Variants in CFAP54 observed in about 807,000 individuals in gnomAD.
CFAP54 encodes cilia- and flagella-associated protein 54.
CFAP54 carries 290 observed loss-of-function variants against 370.4 expected under a neutral mutation model. The ratio of observed to expected loss-of-function variants is 0.78; its 90% CI spans 0.71 to 0.86. The LOEUF (loss-of-function observed/expected upper bound fraction) is 0.86. CFAP54 is among the 40% of genes least tolerant of loss of function. CFAP54 has a pLI of 0.00. For missense variants in CFAP54, 3,399 were observed against 3,528.7 expected, an observed-to-expected ratio of 0.96 and a Z score of 0.93; for synonymous variants, 1,206 against 1,236.5, an observed-to-expected ratio of 0.98 and a Z score of 0.52.
intron 17 of CFAP54, among the ~76,000 whole-genome samples, chr12:96,555,338 G>T (rs1955740586): frequency 6.6e-6 from 1 of 151,896 alleles, no homozygotes; most frequent in African/African-American, 2.4e-5. Context: ...TTATTCAAAT[G>T]CTGGTTAATT....
At chr12:96,691,812 A>G (rs1376603928) in intron 44 of CFAP54, among the ~76,000 whole-genome samples, 1 of 152,170 alleles carries the variant, frequency 6.6e-6, no homozygotes, top group Non-Finnish European at 1.5e-5. Context: ...TAAAAAATCC[A>G]AGTACAGCTC....
intron 9 of CFAP54, among the ~76,000 whole-genome samples, chr12:96,531,890 A>G (rs1446562785): frequency 1.3e-5 from 2 of 151,924 alleles, no homozygotes; most frequent in African/African-American, 2.4e-5. Flanking sequence ...ACGCCGGGCC[A>G]ATTTTTTGTA....
chr12:96,714,073 T>C (rs567619351), intron 48 of CFAP54, among the ~76,000 whole-genome samples: 3 of 152,316 alleles, frequency 2.0e-5, no homozygotes, highest in Admixed American at 6.5e-5. Context: ...GAGACTAGGT[T>C]AGGCTATGGG....
chr12:96,766,101 C>G (rs1958399609), intron 60 of CFAP54, among the ~76,000 whole-genome samples: 1 of 152,108 alleles, frequency 6.6e-6, no homozygotes, highest in African/African-American at 2.4e-5. Context: ...AGTGATCTTC[C>G]TAATACTTCT....
Position 96,576,587 on chromosome 12 carries a change from A to G in CFAP54, c.2622A>G (p.Glu874=). The G allele has an allele frequency of 2.0e-6, 3 of 1,515,910 alleles. No individual in the cohort carries two copies. The highest frequency in any genetic ancestry group is 2.6e-6 in the Non-Finnish European group (3 of 1,134,242). The allele number at this position is 1,515,910 out of a possible 1,614,324, so 93.9% of individuals were successfully genotyped here. A position where few individuals can be genotyped will look rare whatever the true frequency, so the allele number is the denominator to read the frequency against. ...TSTSSWELLM[E]AYSLIQRIEA... ...TCTATTTTCATATTTCATTATAGGA[A>G]GCATATTCCTTAATTCAGAGGATTG... The change falls in exon 20 of 68, where the codon GAA becomes GAG. Residue 874 remains glutamate (E), a splice_region_variant and synonymous_variant. Transcript: ENST00000524981.
intron 60 of CFAP54, among the ~76,000 whole-genome samples, chr12:96,776,182 G>T (rs1958517061): frequency 6.6e-6 from 1 of 151,970 alleles, no homozygotes. Context: ...CAAATGATAA[G>T]AAGAAAGTAA....
chr12:96,632,343 A>T (rs1381602236), intron 32 of CFAP54, among the ~76,000 whole-genome samples: 1 of 151,954 alleles, frequency 6.6e-6, no homozygotes, highest in Admixed American at 6.6e-5. Flanking sequence ...GGAAATTCCT[A>T]ATCTGGGATA....
intron 66 of CFAP54, among the ~76,000 whole-genome samples, chr12:96,855,479 A>G (rs1024064704): frequency 2.0e-5 from 3 of 152,238 alleles, no homozygotes; most frequent in Non-Finnish European, 2.9e-5. Context: ...CCTAGATACA[A>G]TGGGGGTACA....
rs528454673 is a variant in CFAP54 at position 96,640,895 on chromosome 12, C to T, written c.4317-3283C>T. 3.4e-3 allele frequency among the ~76,000 whole-genome samples: 518 copies of T among 152,026 alleles called. 4 individuals are homozygous for T. The highest frequency in any genetic ancestry group is 0.012 in the African/African-American group (483 of 41,456). On this transcript the variant is annotated intron_variant, in intron 32 of 67. Coordinates refer to ENST00000524981, the MANE Select transcript of CFAP54 (RefSeq NM_001306084.2). The stretch of plus-strand genomic sequence containing the variant: ...CATATGTAGAAAGCTGAAACTGGAT[C>T]CCTTCCTTACACCTTATACAAAAAT...
At chr12:96,836,447 T>A (rs1959186459) in intron 66 of CFAP54, among the ~76,000 whole-genome samples, 1 of 152,222 alleles carries the variant, frequency 6.6e-6, no homozygotes, top group African/African-American at 2.4e-5. Flanking sequence ...AAAATGCCAA[T>A]AGAACATGTT....
intron 60 of CFAP54, among the ~76,000 whole-genome samples, chr12:96,768,140 G>A (rs1958418383): frequency 6.6e-6 from 1 of 152,066 alleles, no homozygotes; most frequent in Admixed American, 6.5e-5. Context: ...GGGCAACATG[G>A]TGAAACCCCG....
Position 96,580,667 on chromosome 12 carries a change from A to G in CFAP54, c.2867A>G (p.His956Arg), listed in dbSNP as rs1956024577. 3 of 1,525,324 alleles carry G rather than the reference A, an allele frequency of 2.0e-6. No homozygotes were observed. The highest frequency in any genetic ancestry group is 2.8e-5 in the African/African-American group (2 of 72,688). The allele number at this position is 1,525,324 out of a possible 1,614,324, so 94.5% of individuals were successfully genotyped here. A position where few individuals can be genotyped will look rare whatever the true frequency, so the allele number is the denominator to read the frequency against. The change falls in exon 21 of 68, where the codon CAT becomes CGT. Residue 956 changes from histidine (H) to arginine (R), a missense_variant. This residue lies in a region of CFAP54 where 2,796 missense variants were observed against 2,869.7 expected (regional missense o/e 0.97). Coordinates refer to ENST00000524981, the MANE Select transcript of CFAP54 (RefSeq NM_001306084.2). ...SYGKVRLNNNHLPNSGEAIPA... is the reference protein window; with the variant it reads ...SYGKVRLNNNRLPNSGEAIPA... The stretch of plus-strand genomic sequence containing the variant: ...GGAAAAGTACGGCTAAACAATAATC[A>G]TCTCCCAAATTCAGGAGAAGCGGTA...
In CFAP54 at chr12:96,838,563, A is replaced by T. The variant is rs561283607; in HGVS notation, c.9171+9475A>T. Among the ~76,000 whole-genome samples, 4 of 152,160 alleles carry T rather than the reference A, an allele frequency of 2.6e-5. No homozygotes were observed. In the South Asian group the frequency reaches 8.3e-4, roughly 32 times the overall value. On this transcript the variant is annotated intron_variant, in intron 66 of 67. Transcript: ENST00000524981. ...CAGGAGAGAGAGAGAAAAAAAAGTG[A>T]GGGGGGAAGAGCTGCTTATAAAACC...
At chr12:96,784,567 T>G in intron 60 of CFAP54, 150 bp from the exon 61 acceptor site, 1 of 463,616 alleles carries the variant, frequency 2.2e-6, no homozygotes, top group Non-Finnish European at 3.6e-6. Flanking sequence ...TGGTGTTTGG[T>G]GTCTGCATGA....
intron 49 of CFAP54, 65 bp downstream of exon 49, chr12:96,718,587 T>C (rs1204307128): frequency 5.4e-6 from 5 of 925,104 alleles, no homozygotes; most frequent in Non-Finnish European, 5.1e-6. Context: ...AGGCCCTGGA[T>C]GGGCCTGCTT....
chr12:96,638,205 A>ATGTGTGTGTG (rs756775917), intron 32 of CFAP54, among the ~76,000 whole-genome samples: 8 of 122,616 alleles, frequency 6.5e-5, no homozygotes, highest in South Asian at 2.7e-4. Flanking sequence ...ATATATATGC[A>ATGTGTGTGTG]TGTGTGTGTG....
Position 96,540,921 on chromosome 12 carries a change from A to G in CFAP54, c.2011A>G (p.Thr671Ala), listed in dbSNP as rs575480246. 9.8e-4 allele frequency: 1,494 copies of G among 1,523,024 alleles called. No individual in the cohort carries two copies. Among genetic ancestry groups the G allele is most frequent in the Non-Finnish European group, 1.1e-3 (1,284 of 1,141,570 alleles). 94.3% of individuals were successfully genotyped at this position (1,523,024 alleles called of 1,614,324 possible). A position where few individuals can be genotyped will look rare whatever the true frequency, so the allele number is the denominator to read the frequency against. ...DIDIVVVAEV[T>A]LRLSEILESL... Reference sequence around the variant, plus strand: ...TGACATTGTGGTAGTGGCAGAAGTCACATTACGGTTAAGTGAAATATTGGA... The same window carrying G: ...TGACATTGTGGTAGTGGCAGAAGTCGCATTACGGTTAAGTGAAATATTGGA... The change falls in exon 14 of 68, where the codon ACA becomes GCA. Residue 671 changes from threonine to alanine, a missense_variant. Around this residue, in one of 3 missense-constraint regions of CFAP54, gnomAD observed 2,796 missense variants for 2,869.7 expected, o/e 0.97. Coordinates refer to ENST00000524981, the MANE Select transcript of CFAP54 (RefSeq NM_001306084.2).
At chr12:96,822,247 A>G (rs545561616) in intron 65 of CFAP54, among the ~76,000 whole-genome samples, 1 of 152,208 alleles carries the variant, frequency 6.6e-6, no homozygotes, top group Non-Finnish European at 1.5e-5. Flanking sequence ...AGCATATGGA[A>G]GATGCAAAAC....
intron 14 of CFAP54, among the ~76,000 whole-genome samples, chr12:96,545,642 C>T (rs992923198): frequency 1.3e-5 from 2 of 152,188 alleles, no homozygotes; most frequent in African/African-American, 2.4e-5. Context: ...ATCCATCTCT[C>T]AATACCGCCA....
Sources: gnomAD v4.1 joint callset for allele counts (sites outside exome capture counted in the v4.1 genomes callset) on GRCh38, gnomAD v4.1.1 for gene constraint, gnomAD v4.1.1 regional missense constraint, MANE v1.5 for transcripts, NCBI Gene and HGNC (gene_info 2026-07-23, HGNC 2026-07-21) for gene names.